PDZRN4: variants seen among roughly 807,000 people sequenced by gnomAD.
PDZRN4 encodes PDZ domain-containing RING finger protein 4.
In PDZRN4, 70 loss-of-function variants were observed where a neutral mutation model predicts 99.0. The ratio of observed to expected loss-of-function variants is 0.71; its 90% CI spans 0.58 to 0.86. The LOEUF (loss-of-function observed/expected upper bound fraction) is 0.86, where lower values mean the gene tolerates loss of function less well. PDZRN4 is among the 40% of genes least tolerant of loss of function. The probability of loss-of-function intolerance (pLI) is 0.00; values close to 1 mark genes in which losing one functional copy is unlikely to be tolerated. For missense variants in PDZRN4, 1,474 were observed against 1,331.2 expected (o/e 1.11, Z -1.67); for synonymous variants, 551 against 501.6 (o/e 1.10, Z -1.32).
Position 41,194,146 on chromosome 12 carries a change from T to A in PDZRN4, c.801T>A (p.Ala267=). 1 of 1,567,808 alleles carries A rather than the reference T, an allele frequency of 6.4e-7. No homozygotes were observed. Among genetic ancestry groups the A allele is most frequent in the East Asian group, 2.2e-5 (1 of 44,706 alleles). The change falls in exon 3 of 10, where the codon GCT becomes GCA. Residue 267 remains alanine, a synonymous_variant. Transcript: ENST00000402685. The part of the protein sequence containing the change: ...YVSKILENGP[A]DRADGLEIHD... The stretch of plus-strand genomic sequence containing the variant: ...CAAAAATTTTAGAAAATGGACCTGC[T>A]GACAGAGCAGATGGCCTGGAGATTC...
At chr12:41,329,113 T>A (rs1951727618) in intron 3 of PDZRN4, among the ~76,000 whole-genome samples, 1 of 152,130 alleles carries the variant, frequency 6.6e-6, no homozygotes, top group Non-Finnish European at 1.5e-5. Flanking sequence ...AGGGATAAGG[T>A]TAGAATCGTA....
chr12:41,335,184 C>CAAAG (rs3046828), intron 3 of PDZRN4, among the ~76,000 whole-genome samples: 58,541 of 151,484 alleles, frequency 0.39, 11,343 homozygotes, highest in African/African-American at 0.41. Flanking sequence ...AGAATATTGA[C>CAAAG]AAAGTGTTTG....
At chr12:41,436,584 G>C (rs1331541305) in intron 3 of PDZRN4, among the ~76,000 whole-genome samples, 2 of 152,166 alleles carry the variant, frequency 1.3e-5, no homozygotes, top group East Asian at 3.9e-4. Flanking sequence ...TTAAAGATGT[G>C]CTGGAACAAG....
intron 5 of PDZRN4, among the ~76,000 whole-genome samples, chr12:41,511,084 A>T (rs117226706): frequency 0.018 from 2,805 of 152,204 alleles, 50 homozygotes; most frequent in Admixed American, 0.038. Flanking sequence ...ACTTATCCAA[A>T]TAATTCAAGA....
intron 4 of PDZRN4, among the ~76,000 whole-genome samples, chr12:41,507,210 C>T (rs755854849): frequency 2.6e-5 from 4 of 152,040 alleles, no homozygotes; most frequent in Non-Finnish European, 4.4e-5. Flanking sequence ...AAAGCACTTA[C>T]CCAATATATT....
At chr12:41,315,196 G>T (rs1332387390) in intron 3 of PDZRN4, among the ~76,000 whole-genome samples, 2 of 152,110 alleles carry the variant, frequency 1.3e-5, no homozygotes, top group African/African-American at 4.8e-5. Context: ...ATTGTGAAAT[G>T]ACATTTTATG....
chr12:41,521,932 A>G (rs780666751), intron 5 of PDZRN4, among the ~76,000 whole-genome samples: 4 of 151,944 alleles, frequency 2.6e-5, no homozygotes, highest in Non-Finnish European at 4.4e-5. Flanking sequence ...GAGGCCTAAG[A>G]CTCCTAAATA....
intron 3 of PDZRN4, among the ~76,000 whole-genome samples, chr12:41,446,490 G>A (rs1952729831): frequency 6.6e-6 from 1 of 150,644 alleles, no homozygotes; most frequent in Non-Finnish European, 1.5e-5. Flanking sequence ...GACAGTAAAT[G>A]TTTTTCTATA....
intron 3 of PDZRN4, among the ~76,000 whole-genome samples, chr12:41,288,657 T>C (rs1008349226): frequency 3.3e-5 from 5 of 152,172 alleles, no homozygotes; most frequent in East Asian, 1.9e-4. Context: ...ATCCTCACTG[T>C]TGTTATTTTA....
intron 3 of PDZRN4, among the ~76,000 whole-genome samples, chr12:41,220,654 G>A (rs538429225): frequency 6.6e-6 from 1 of 152,238 alleles, no homozygotes; most frequent in African/African-American, 2.4e-5. Flanking sequence ...CTAGACTCTG[G>A]TAAGGAAAAA....
intron 3 of PDZRN4, among the ~76,000 whole-genome samples, chr12:41,494,471 A>G (rs999334394): frequency 4.6e-5 from 7 of 152,108 alleles, no homozygotes; most frequent in African/African-American, 1.7e-4. Flanking sequence ...TGTTGTTGTT[A>G]TTATAGTCTA....
intron 3 of PDZRN4, among the ~76,000 whole-genome samples, chr12:41,456,887 A>G (rs1952820834): frequency 6.6e-6 from 1 of 152,224 alleles, no homozygotes; most frequent in African/African-American, 2.4e-5. Flanking sequence ...GCTTAGAGTT[A>G]TTACTTCTTG....
rs1221728618 is a variant in PDZRN4, at chr12:41,573,862, A to C, written c.3083A>C (p.Asn1028Thr). ...TCTCCAGATGGCACGAGAGTCCATA[A>C]TGCCTTCTTGTCGGTGACCACTGTA... ...AKSPDGTRVHNAFLSVTTV is the reference protein window; with the variant it reads ...AKSPDGTRVHTAFLSVTTV Residue 1028 changes from asparagine to threonine, a missense_variant, in exon 10 of 10, where the codon AAT (asparagine) becomes ACT (threonine). By Grantham distance (65) the Asn-to-Thr change is moderately conservative. Transcript: ENST00000402685. The C allele has an allele frequency of 6.3e-7, 1 of 1,581,562 alleles. No homozygotes were observed. Among genetic ancestry groups the C allele is most frequent in the Non-Finnish European group, 8.6e-7 (1 of 1,167,206 alleles).
intron 2 of PDZRN4, among the ~76,000 whole-genome samples, chr12:41,191,759 T>C (rs923730130): frequency 1.3e-5 from 1 of 77,138 alleles, no homozygotes; most frequent in African/African-American, 4.8e-5. Flanking sequence ...TTTATTTATT[T>C]ATTTATTTAT....
intron 7 of PDZRN4, among the ~76,000 whole-genome samples, chr12:41,562,380 C>T (rs935759661): frequency 3.3e-5 from 5 of 152,010 alleles, no homozygotes; most frequent in African/African-American, 4.8e-5. Flanking sequence ...AGAAAAACCT[C>T]AATAGTCTAC....
At chr12:41,528,040 A>G (rs905337070) in intron 5 of PDZRN4, among the ~76,000 whole-genome samples, 7 of 152,336 alleles carry the variant, frequency 4.6e-5, no homozygotes, top group Non-Finnish European at 8.8e-5. Flanking sequence ...CATGAACTTC[A>G]TCAATTCTCT....
intron 3 of PDZRN4, among the ~76,000 whole-genome samples, chr12:41,502,859 C>T (rs1938134813): frequency 6.6e-6 from 1 of 151,900 alleles, no homozygotes; most frequent in Non-Finnish European, 1.5e-5. Context: ...ATATGAAACA[C>T]CAAATATCTG....
chr12:41,332,901 C>T (rs1243802499), intron 3 of PDZRN4, among the ~76,000 whole-genome samples: 1 of 152,102 alleles, frequency 6.6e-6, no homozygotes, highest in East Asian at 1.9e-4. Context: ...AGCCAAGTTA[C>T]TATTTCAAAT....
chr12:41,349,104 A>G (rs749088604), intron 3 of PDZRN4, among the ~76,000 whole-genome samples: 36 of 151,898 alleles, frequency 2.4e-4, no homozygotes, highest in Non-Finnish European at 4.7e-4. Flanking sequence ...TTTTGACACA[A>G]TTTTTTACAC....
Sources: gnomAD v4.1 joint callset for allele counts (sites outside exome capture counted in the v4.1 genomes callset) on GRCh38, gnomAD v4.1.1 for gene constraint, MANE v1.5 for transcripts, NCBI Gene and HGNC (gene_info 2026-07-23, HGNC 2026-07-21) for gene names.